Variants in EFCAB6 observed in about 807,000 individuals in gnomAD.
EFCAB6 encodes EF-hand calcium binding domain 6.
Under a neutral mutation model 169.8 loss-of-function variants are expected in EFCAB6, and 156 were observed. The observed-to-expected ratio is 0.92, with a 90% confidence interval of 0.81 to 1.05. EFCAB6 has a LOEUF of 1.05. EFCAB6 is among the 50% of genes least tolerant of loss of function. The pLI, the probability that EFCAB6 is intolerant of heterozygous loss-of-function variation, is 0.00. For synonymous variants in EFCAB6, 698 were observed against 676.4 expected (o/e 1.03, Z -0.50); for missense variants, 1,800 against 1,829.1 (o/e 0.98, Z 0.29).
At chr22:43,650,221 T>C (rs1270730641) in intron 17 of EFCAB6, among the ~76,000 whole-genome samples, 2 of 152,204 alleles carry the variant, frequency 1.3e-5, no homozygotes, top group Admixed American at 1.3e-4. Flanking sequence ...AATCTCATCT[T>C]GAATTCCCAT....
chr22:43,808,648 GCAAAAACAAAAA>G lies in EFCAB6; in HGVS notation c.-8+335_-8+346del, dbSNP rs549009066. 3.6e-4 allele frequency among the ~76,000 whole-genome samples: 55 copies of G among 152,040 alleles called. 1 individual carries two copies. The South Asian group carries it at 0.011, about 29-fold the overall frequency. ...AAAGATAAATCAGACAGAGCATTGG[GCAAAAACAAAAA>G]CAAAAACAAAAACAAAAAACAGCTA... On this transcript the variant is annotated intron_variant, in intron 2 of 31. Coordinates refer to ENST00000262726, the MANE Select transcript of EFCAB6 (RefSeq NM_022785.4).
intron 2 of EFCAB6, among the ~76,000 whole-genome samples, chr22:43,790,778 T>A (rs893236212): frequency 6.6e-6 from 1 of 152,146 alleles, no homozygotes; most frequent in East Asian, 1.9e-4. Context: ...AAGACAGAAG[T>A]CTTCTGCAAT....
At chr22:43,707,424 T>C (rs1430134823) in intron 10 of EFCAB6, among the ~76,000 whole-genome samples, 1 of 152,096 alleles carries the variant, frequency 6.6e-6, no homozygotes, top group Non-Finnish European at 1.5e-5. Context: ...AATTCTCAGA[T>C]TGCAATAGCA....
chr22:43,717,367 G>C (rs1436968079), intron 8 of EFCAB6, among the ~76,000 whole-genome samples: 1 of 146,182 alleles, frequency 6.8e-6, no homozygotes, highest in African/African-American at 2.5e-5. Context: ...CTTGATTTTT[G>C]TTTGGTAAAA....
chr22:43,809,712 ATTCTCCTGCCTCAGC>A (rs1425419708), intron 1 of EFCAB6, among the ~76,000 whole-genome samples: 2 of 152,038 alleles, frequency 1.3e-5, no homozygotes, highest in Admixed American at 6.5e-5. Flanking sequence ...GGTTCAAGAG[ATTCTCCTGCCTCAGC>A]TTCTGGAGTA....
At chr22:43,548,815 A>G (rs887526000) in intron 27 of EFCAB6, among the ~76,000 whole-genome samples, 2 of 152,130 alleles carry the variant, frequency 1.3e-5, no homozygotes, top group African/African-American at 4.8e-5. Flanking sequence ...CATATGTGGA[A>G]CCCTTCGCTC....
At chr22:43,770,138 T>C (rs542945535) in intron 4 of EFCAB6, among the ~76,000 whole-genome samples, 1 of 152,256 alleles carries the variant, frequency 6.6e-6, no homozygotes, top group African/African-American at 2.4e-5. Context: ...ACTACAGGCA[T>C]GAGCCACCGT....
chr22:43,710,529 G>T (rs1355546134), intron 10 of EFCAB6, among the ~76,000 whole-genome samples: 1 of 152,158 alleles, frequency 6.6e-6, no homozygotes, highest in Non-Finnish European at 1.5e-5. Flanking sequence ...AGGAAATGCA[G>T]GGAAAGAATC....
chr22:43,717,099 C>T, intron 8 of EFCAB6, 127 bp from the exon 9 acceptor site: 1 of 1,210,250 alleles, frequency 8.3e-7, no homozygotes, highest in Non-Finnish European at 1.1e-6. Context: ...AAATGATGAA[C>T]CATCTGATTA....
intron 3 of EFCAB6, among the ~76,000 whole-genome samples, chr22:43,777,287 G>A (rs1019295667): frequency 6.6e-6 from 1 of 152,202 alleles, no homozygotes; most frequent in African/African-American, 2.4e-5. Context: ...AGGTCCGCGA[G>A]GCAACTGGAT....
At chr22:43,702,636 G>A (rs890150031) in intron 10 of EFCAB6, among the ~76,000 whole-genome samples, 3 of 152,138 alleles carry the variant, frequency 2.0e-5, no homozygotes, top group Non-Finnish European at 4.4e-5. Flanking sequence ...AGGCAACACA[G>A]GGAAATGGCA....
At position 43,668,985 on chromosome 22, in the gene EFCAB6, T is replaced by C. The variant is rs779562080; in HGVS notation, c.1701A>G (p.Ala567=). The C allele has an allele frequency of 6.2e-7, 1 of 1,612,924 alleles. No individual in the cohort carries two copies. The highest frequency in any genetic ancestry group is 1.1e-5 in the South Asian group (1 of 90,692). The change falls in exon 16 of 32, where the codon GCA becomes GCG. Residue 567 remains alanine, a synonymous_variant. Coordinates refer to ENST00000262726, the MANE Select transcript of EFCAB6 (RefSeq NM_022785.4). ...TGGGTGGGCCATCAATTCCTATGCA[T>C]GCCAAAAGTTTCTTGTAAAGGATTC... ...SGRILYKKLL[A]CIGIDGPPTV...
At chr22:43,589,578 A>G (rs918800386) in intron 24 of EFCAB6, among the ~76,000 whole-genome samples, 2 of 152,198 alleles carry the variant, frequency 1.3e-5, no homozygotes, top group Admixed American at 1.3e-4. Flanking sequence ...ACCTGAGGTC[A>G]GGAGTTTGAG....
chr22:43,697,758 T>C (rs1173643520), intron 10 of EFCAB6, among the ~76,000 whole-genome samples: 1 of 152,134 alleles, frequency 6.6e-6, no homozygotes, highest in Admixed American at 6.5e-5. Context: ...CCAAGTATCA[T>C]TCCCAGTCCC....
At chr22:43,740,115 C>G (rs910664664) in intron 6 of EFCAB6, among the ~76,000 whole-genome samples, 3 of 152,180 alleles carry the variant, frequency 2.0e-5, no homozygotes, top group African/African-American at 7.2e-5. Flanking sequence ...CTGCCTGGAA[C>G]ATTCTTCCCC....
At chr22:43,718,942 A>G (rs1173997917) in intron 8 of EFCAB6, among the ~76,000 whole-genome samples, 1 of 152,224 alleles carries the variant, frequency 6.6e-6, no homozygotes, top group East Asian at 1.9e-4. Context: ...CGGGACCTGA[A>G]GTGGTCTAGC....
chr22:43,727,505 A>T (rs1449033503), intron 8 of EFCAB6, among the ~76,000 whole-genome samples: 12 of 152,364 alleles, frequency 7.9e-5, no homozygotes, highest in Non-Finnish European at 1.5e-4. Flanking sequence ...GTAAAAGAAA[A>T]TATATTTCTG....
At chr22:43,674,427 C>T (rs2057632222) in intron 13 of EFCAB6, among the ~76,000 whole-genome samples, 1 of 152,140 alleles carries the variant, frequency 6.6e-6, no homozygotes, top group Non-Finnish European at 1.5e-5. Context: ...AGGGTCCCTG[C>T]GCAGGCTCCG....
chr22:43,562,658 C>G, intron 26 of EFCAB6, among the ~76,000 whole-genome samples: 1 of 22,246 alleles, frequency 4.5e-5, no homozygotes, highest in Non-Finnish European at 8.8e-5. Context: ...GGGAGGCAGC[C>G]CGGTGGGGGA....
Sources: gnomAD v4.1 joint callset for allele counts (sites outside exome capture counted in the v4.1 genomes callset) on GRCh38, gnomAD v4.1.1 for gene constraint, MANE v1.5 for transcripts, NCBI Gene and HGNC (gene_info 2026-07-23, HGNC 2026-07-21) for gene names.